Variants in DLG1 observed in about 807,000 individuals in gnomAD.
DLG1 encodes disks large homolog 1.
Under a neutral mutation model 123.4 loss-of-function variants are expected in DLG1, and 42 were observed. The ratio of observed to expected loss-of-function variants is 0.34; its 90% CI spans 0.27 to 0.44. The LOEUF (loss-of-function observed/expected upper bound fraction) is 0.44. Among genes scored for constraint, DLG1 ranks in the 20% least tolerant of loss-of-function variants. The pLI, the probability that DLG1 is intolerant of heterozygous loss-of-function variation, is 1.00. For synonymous variants in DLG1, 317 were observed against 356.2 expected (o/e 0.89, Z 1.24); for missense variants, 942 against 1,082.6 (o/e 0.87, Z 1.82).
chr3:197,196,584 G>C (rs1319361604), intron 4 of DLG1, among the ~76,000 whole-genome samples: 3 of 152,134 alleles, frequency 2.0e-5, no homozygotes, highest in Admixed American at 2.0e-4. Context: ...CTTTAGAAGA[G>C]ATACATGGAT....
At chr3:197,111,226 G>T (rs953813146) in intron 13 of DLG1, among the ~76,000 whole-genome samples, 5 of 152,148 alleles carry the variant, frequency 3.3e-5, no homozygotes, top group African/African-American at 4.8e-5. Flanking sequence ...TCCAGTTTTA[G>T]AATCAAGACC....
At chr3:197,198,780 G>A (rs532110057) in intron 4 of DLG1, among the ~76,000 whole-genome samples, 3 of 152,076 alleles carry the variant, frequency 2.0e-5, no homozygotes, top group South Asian at 2.1e-4. Context: ...TGATAGGTGC[G>A]GTCAAGAATG....
chr3:197,255,896 A>G (rs1398650400), intron 4 of DLG1, among the ~76,000 whole-genome samples: 1 of 152,176 alleles, frequency 6.6e-6, no homozygotes. Flanking sequence ...CAGTTATAAA[A>G]AGGCATCAAG....
intron 5 of DLG1, among the ~76,000 whole-genome samples, chr3:197,188,724 GCTTTT>G (rs1355258436): frequency 6.6e-6 from 1 of 152,020 alleles, no homozygotes; most frequent in Non-Finnish European, 1.5e-5. Flanking sequence ...CTCTATATTA[GCTTTT>G]ATTTTAAAAA....
At chr3:197,145,411 C>T (rs1418486649) in intron 6 of DLG1, among the ~76,000 whole-genome samples, 1 of 152,052 alleles carries the variant, frequency 6.6e-6, no homozygotes, top group Non-Finnish European at 1.5e-5. Context: ...GAGTTGAATG[C>T]TCAATTTATG....
upstream of DLG1, chr3:197,298,877 TA>T (rs1444707841): frequency 6.3e-6 from 2 of 315,672 alleles, no homozygotes; most frequent in Non-Finnish European, 1.2e-5. Context: ...ACAAGATTTT[TA>T]AGCCTAACTG....
At chr3:197,260,377 C>A in intron 4 of DLG1, 1 of 354,266 alleles carries the variant, frequency 2.8e-6, no homozygotes, top group Non-Finnish European at 5.5e-6. Context: ...ATAAATAAAG[C>A]TGTGAGATAA....
chr3:197,118,266 A>G (rs955825398), intron 12 of DLG1, among the ~76,000 whole-genome samples: 1 of 152,246 alleles, frequency 6.6e-6, no homozygotes, highest in Admixed American at 6.5e-5. Context: ...TTCCCTCTTT[A>G]CGGCCTTAAA....
intron 4 of DLG1, among the ~76,000 whole-genome samples, chr3:197,263,535 C>T (rs1378219548): frequency 6.6e-6 from 1 of 152,156 alleles, no homozygotes; most frequent in Non-Finnish European, 1.5e-5. Flanking sequence ...ACCTGTAATC[C>T]CAGCACTTTG....
chr3:197,086,646 A>G (rs1046358795), intron 15 of DLG1, among the ~76,000 whole-genome samples: 6 of 152,312 alleles, frequency 3.9e-5, no homozygotes, highest in African/African-American at 1.4e-4. Context: ...AAATAAATAA[A>G]CTAGTAGTTA....
intron 4 of DLG1, among the ~76,000 whole-genome samples, chr3:197,203,338 T>C (rs1726818322): frequency 6.6e-6 from 1 of 152,206 alleles, no homozygotes; most frequent in Non-Finnish European, 1.5e-5. Flanking sequence ...GTCTGTGTCA[T>C]GAACTTTCAA....
chr3:197,095,873 G>A (rs756663069), intron 14 of DLG1, among the ~76,000 whole-genome samples: 1 of 152,154 alleles, frequency 6.6e-6, no homozygotes, highest in African/African-American at 2.4e-5. Context: ...AGAGTCCCTT[G>A]AAGTTAGATT....
rs373440132 is a variant in DLG1, at chr3:197,060,952, C to T, written c.2374-954G>A. 4.8e-3 allele frequency among the ~76,000 whole-genome samples: 734 copies of T among 152,186 alleles called. 8 individuals carry two copies. Among genetic ancestry groups the T allele is most frequent in the African/African-American group, 0.016 (675 of 41,516 alleles). On this transcript the variant is annotated intron_variant, in intron 22 of 24. Coordinates refer to ENST00000667157, the MANE Select transcript of DLG1 (RefSeq NM_001366207.1). ...CCCAGTAGCTAGGACAACAGGTGTG[C>T]GCCACCACACCCAGCTGATTTTTGT...
chr3:197,245,035 C>CTT (rs1400189507), intron 4 of DLG1, among the ~76,000 whole-genome samples: 1 of 152,090 alleles, frequency 6.6e-6, no homozygotes, highest in African/African-American at 2.4e-5. Flanking sequence ...CAGTTCGGAC[C>CTT]TTTAATAAGG....
chr3:197,104,024 T>C (rs1241341195), intron 14 of DLG1, among the ~76,000 whole-genome samples: 1 of 152,108 alleles, frequency 6.6e-6, no homozygotes, highest in African/African-American at 2.4e-5. Context: ...CCCAGGAACT[T>C]AGTAAAGTCA....
chr3:197,043,751 A>T lies in DLG1; in HGVS notation c.*872T>A, dbSNP rs1721365797. 6.6e-6 allele frequency: 1 copy of T among 152,002 alleles called. No individual in the cohort carries two copies. Among genetic ancestry groups the T allele is most frequent in the Admixed American group, 6.6e-5 (1 of 15,242 alleles). The allele number at this position is 152,002 out of a possible 1,614,324, so 9.4% of individuals were successfully genotyped here. On this transcript the variant is annotated 3_prime_UTR_variant, in exon 25 of 25. Coordinates refer to ENST00000667157, the MANE Select transcript of DLG1 (RefSeq NM_001366207.1). ...CTCCTAAGAATACATTTGAAGTTTTAGGCTATGAATTGGACTCCTTTCCAT... is the reference window on the plus strand; with the variant it reads ...CTCCTAAGAATACATTTGAAGTTTTTGGCTATGAATTGGACTCCTTTCCAT...
At chr3:197,143,247 G>A (rs1327322902) in intron 6 of DLG1, among the ~76,000 whole-genome samples, 1 of 138,316 alleles carries the variant, frequency 7.2e-6, no homozygotes, top group Non-Finnish European at 1.6e-5. Flanking sequence ...TTAAACAGCT[G>A]GATCTTTTTT....
intron 24 of DLG1, among the ~76,000 whole-genome samples, chr3:197,050,239 T>C (rs1726446555): frequency 6.6e-6 from 1 of 151,752 alleles, no homozygotes; most frequent in East Asian, 1.9e-4. Flanking sequence ...TGGTGGCAGC[T>C]GCCTGTAGTC....
At chr3:197,236,706 G>T (rs116695889) in intron 4 of DLG1, among the ~76,000 whole-genome samples, 4 of 152,136 alleles carry the variant, frequency 2.6e-5, no homozygotes, top group Non-Finnish European at 5.9e-5. Context: ...AAGAAAAGTC[G>T]ATTTTCACAG....
Sources: gnomAD v4.1 joint callset for allele counts (sites outside exome capture counted in the v4.1 genomes callset) on GRCh38, gnomAD v4.1.1 for gene constraint, MANE v1.5 for transcripts, NCBI Gene and HGNC (gene_info 2026-07-23, HGNC 2026-07-21) for gene names.